GDF1: variants seen among roughly 807,000 people sequenced by gnomAD.
The protein encoded by GDF1 is embryonic growth/differentiation factor 1.
GDF1 carries 8 observed loss-of-function variants against 7.4 expected under a neutral mutation model. That is an observed-to-expected ratio of 1.09 (90% confidence interval 0.64 to 1.96). GDF1 has a LOEUF of 1.96. GDF1 is among the 30% of genes most tolerant of loss of function. GDF1 has a pLI of 0.00. For missense variants in GDF1, 574 were observed against 551.5 expected (o/e 1.04, Z -0.41); for synonymous variants, 311 against 276.7 (o/e 1.12, Z -1.23).
chr19:18,868,927 G>A lies in GDF1; in HGVS notation c.789C>T (p.Pro263=), dbSNP rs748789973. The A allele has an allele frequency of 9.0e-6, 12 of 1,331,184 alleles. No homozygotes were observed. Among genetic ancestry groups the A allele is most frequent in the South Asian group, 7.1e-5 (5 of 70,450 alleles). 82.5% of individuals were successfully genotyped at this position (1,331,184 alleles called of 1,614,324 possible). Residue 263 remains proline (P), a synonymous_variant, in exon 8 of 8, where the codon CCC becomes CCT. Transcript: ENST00000247005. ...GCCGCCGCGCGCGACAAGCGCCCCC[G>A]GGGCCGCCGCCCAACACGGGTTCGG... The part of the protein sequence containing the change: ...RDAEPVLGGG[P]GGACRARRLY...
chr19:18,890,014 C>T (rs927508801), intron 2 of GDF1, among the ~76,000 whole-genome samples: 1 of 152,228 alleles, frequency 6.6e-6, no homozygotes, highest in Non-Finnish European at 1.5e-5. Flanking sequence ...CTCCTGCTGT[C>T]AGCCCCCTCC....
chr19:18,893,692 GT>G, intron 1 of GDF1, 117 bp from the exon 2 acceptor site: 1 of 1,052,988 alleles, frequency 9.5e-7, no homozygotes, highest in Non-Finnish European at 1.4e-6. Context: ...GGGAAGGCCT[GT>G]CCCCCATGCC....
chr19:18,883,676 G>A (rs1228754126), intron 3 of GDF1, among the ~76,000 whole-genome samples: 2 of 152,246 alleles, frequency 1.3e-5, no homozygotes, highest in Non-Finnish European at 2.9e-5. Context: ...ACTGACGGCT[G>A]TGGTTGGCTC....
In GDF1 at chr19:18,895,857, G is replaced by GCGGTCCAGCGCAGC; in HGVS notation, c.-1108_-1107insGCTGCGCTGGACCG. The GCGGTCCAGCGCAGC allele has an allele frequency of 7.7e-7, 1 of 1,296,480 alleles. No individual in the cohort carries two copies. Among genetic ancestry groups the GCGGTCCAGCGCAGC allele is most frequent in the Non-Finnish European group, 9.8e-7 (1 of 1,022,134 alleles). 80.3% of individuals were successfully genotyped at this position (1,296,480 alleles called of 1,614,324 possible). ...GGCGCGCAGTGGCCGCGGAGCGCAG[G>GCGGTCCAGCGCAGC]GCGGTCCAGCCCAGCGCGCCGAGCG... On this transcript the variant is annotated 5_prime_UTR_variant, in exon 1 of 8. It introduces an in-frame stop codon into an upstream open reading frame of the 5' UTR. Transcript: ENST00000247005. The surrounding 1 kb of genome is among the most constrained non-coding windows in gnomAD (Gnocchi z 6.4).
At chr19:18,881,992 C>G (rs962545969) in intron 3 of GDF1, 2 of 153,464 alleles carry the variant, frequency 1.3e-5, no homozygotes, top group Non-Finnish European at 2.9e-5. Context: ...TTATTTTTAG[C>G]AGACACAGGG....
intron 6 of GDF1, among the ~76,000 whole-genome samples, chr19:18,871,110 C>G (rs1044192093): frequency 6.7e-6 from 1 of 149,462 alleles, no homozygotes. Flanking sequence ...TTTTTTTGGT[C>G]TTACTCTGTG....
At chr19:18,874,086 G>A (rs993369610) in intron 6 of GDF1, among the ~76,000 whole-genome samples, 1 of 152,168 alleles carries the variant, frequency 6.6e-6, no homozygotes, top group Non-Finnish European at 1.5e-5. Flanking sequence ...TCCTTGAATA[G>A]GCAAGCTGGG....
At position 18,878,791 on chromosome 19, in the gene GDF1, C is replaced by T. The variant is rs1296657524; in HGVS notation, c.-313+139G>A. 3.4e-6 allele frequency: 5 copies of T among 1,466,822 alleles called. No homozygotes were observed. The East Asian group carries it at 1.3e-4, about 37-fold the overall frequency. 90.9% of individuals were successfully genotyped at this position (1,466,822 alleles called of 1,614,324 possible). On this transcript the variant is annotated intron_variant, in intron 6 of 7. Coordinates refer to ENST00000247005, the MANE Select transcript of GDF1 (RefSeq NM_001492.6). The surrounding 1 kb of genome is among the most constrained non-coding windows in gnomAD (Gnocchi z 4.6). ...ACATCGTCCACGCCTTTATTGCAGT[C>T]TCTGTTTTGGAGTAGGCTTGGGGGG...
chr19:18,888,931 G>A lies in GDF1; in HGVS notation c.-914+4485C>T, dbSNP rs531649645. On this transcript the variant is annotated intron_variant, in intron 2 of 7. Coordinates refer to ENST00000247005, the MANE Select transcript of GDF1 (RefSeq NM_001492.6). Reference sequence around the variant, plus strand: ...TTTTGAGACAGAGTCTTGCTCTGTCGCCTAGGCTGGAGTGCAGTAGCATGA... The same window carrying A: ...TTTTGAGACAGAGTCTTGCTCTGTCACCTAGGCTGGAGTGCAGTAGCATGA... 2.3e-4 allele frequency among the ~76,000 whole-genome samples: 30 copies of A among 132,750 alleles called. No individual in the cohort carries two copies. In the South Asian group the frequency reaches 5.4e-3, roughly 24 times the overall value. 87.1% of individuals were successfully genotyped at this position (132,750 alleles called of 152,430 possible). A position where few individuals can be genotyped will look rare whatever the true frequency, so the allele number is the denominator to read the frequency against.
At chr19:18,869,897 G>T in intron 7 of GDF1, 86 bp downstream of exon 7, 1 of 1,353,374 alleles carries the variant, frequency 7.4e-7, no homozygotes, top group Non-Finnish European at 1.0e-6. Context: ...CCTCGGAGCT[G>T]CTCGGGCATC....
In GDF1 at chr19:18,869,284, C is replaced by T. The variant is rs1202390182; in HGVS notation, c.432G>A (p.Arg144=). 4 of 1,502,886 alleles carry T rather than the reference C, an allele frequency of 2.7e-6. No individual in the cohort carries two copies. Among genetic ancestry groups the T allele is most frequent in the Non-Finnish European group, 3.5e-6 (4 of 1,133,820 alleles). 93.1% of individuals were successfully genotyped at this position (1,502,886 alleles called of 1,614,324 possible). The stretch of plus-strand genomic sequence containing the variant: ...CCGCGAAACGCAGCTCCAGGCGGGC[C>T]CGGCTCGGGCGCTCAGCGGGTTCCA... ...SAVEPAERPS[R]ARLELRFAAA... is the part of the protein sequence containing the mutation. Residue 144 remains arginine (R), a synonymous_variant, in exon 8 of 8, where the codon CGG becomes CGA. Coordinates refer to ENST00000247005, the MANE Select transcript of GDF1 (RefSeq NM_001492.6).
chr19:18,894,668 C>T (rs73526948), intron 1 of GDF1, among the ~76,000 whole-genome samples: 1,606 of 152,196 alleles, frequency 0.011, 23 homozygotes, highest in African/African-American at 0.035. Flanking sequence ...AAGACCACTG[C>T]GGACCCAGGG....
chr19:18,887,068 C>T (rs1489040451), intron 2 of GDF1, among the ~76,000 whole-genome samples: 1 of 152,248 alleles, frequency 6.6e-6, no homozygotes, highest in Non-Finnish European at 1.5e-5. Context: ...GTGTCCCTGT[C>T]TACAGCAGCA....
In GDF1 at chr19:18,886,442, G is replaced by A. The variant is rs527990607; in HGVS notation, c.-913-2175C>T. On this transcript the variant is annotated intron_variant, in intron 2 of 7. Transcript: ENST00000247005. ...TGGGCGCCTGTGGTCCCAGCTACTC[G>A]GGAGGCTGAGGTGGGAGGATCACTT... Among the ~76,000 whole-genome samples, 62 of 152,138 alleles carry A rather than the reference G, an allele frequency of 4.1e-4. No individual in the cohort carries two copies. In the South Asian group the frequency reaches 0.012, roughly 29 times the overall value.
At chr19:18,884,397 G>T in intron 2 of GDF1, 130 bp from the exon 3 acceptor site, 1 of 758,400 alleles carries the variant, frequency 1.3e-6, no homozygotes, top group South Asian at 2.3e-5. Context: ...TCTGACTGCT[G>T]GCTTTCCATT....
intron 6 of GDF1, among the ~76,000 whole-genome samples, chr19:18,875,542 C>CAAAAAAAAAA (rs886609723): frequency 2.2e-4 from 21 of 97,398 alleles, no homozygotes; most frequent in African/African-American, 7.4e-4. Flanking sequence ...GACACTGTCT[C>CAAAAAAAAAA]AAAAAAAAAA....
At chr19:18,872,097 T>C (rs111473113) in intron 6 of GDF1, among the ~76,000 whole-genome samples, 47 of 152,388 alleles carry the variant, frequency 3.1e-4, no homozygotes, top group African/African-American at 1.0e-3. Context: ...GGTCTTAGGT[T>C]AGTTTCTCCA....
At chr19:18,891,359 T>A (rs2056486398) in intron 2 of GDF1, among the ~76,000 whole-genome samples, 1 of 152,108 alleles carries the variant, frequency 6.6e-6, no homozygotes, top group African/African-American at 2.4e-5. Flanking sequence ...ACAGCCCTGG[T>A]GGTCCTCGCA....
intron 4 of GDF1, 137 bp downstream of exon 4, chr19:18,880,137 A>T: frequency 2.6e-6 from 2 of 754,818 alleles, no homozygotes; most frequent in African/African-American, 1.9e-5. Context: ...CCAAATCATG[A>T]GGCCCCTCCC....
Sources: allele counts gnomAD v4.1 joint callset (sites outside exome capture counted in the v4.1 genomes callset), GRCh38; gene constraint gnomAD v4.1.1; non-coding constraint Gnocchi (gnomAD v3.1); transcripts MANE v1.5; gene names NCBI Gene and HGNC (gene_info 2026-07-23, HGNC 2026-07-21).